The following CFAP299 variants were observed in gnomAD, a reference collection of about 807,000 sequenced individuals.
The protein encoded by CFAP299 is cilia- and flagella-associated protein 299.
Under a neutral mutation model 27.0 loss-of-function variants are expected in CFAP299, and 21 were observed. The observed-to-expected ratio is 0.78, with a 90% confidence interval of 0.55 to 1.12. The LOEUF (loss-of-function observed/expected upper bound fraction) is 1.12, where lower values mean the gene tolerates loss of function less well. CFAP299 is among the 50% of genes most tolerant of loss of function. The pLI is 0.00. For synonymous variants in CFAP299, 104 were observed against 98.1 expected, an observed-to-expected ratio of 1.06 and a Z score of -0.36; for missense variants, 310 against 276.6, an observed-to-expected ratio of 1.12 and a Z score of -0.86.
Position 80,408,456 on chromosome 4 carries a change from C to A in CFAP299, c.242+45572C>A, listed in dbSNP as rs538620734. 1.6e-4 allele frequency among the ~76,000 whole-genome samples: 24 copies of A among 152,184 alleles called. No homozygotes were observed. In the East Asian group the frequency reaches 4.4e-3, roughly 28 times the overall value. On this transcript the variant is annotated intron_variant, in intron 2 of 5. Coordinates refer to ENST00000358105, the MANE Select transcript of CFAP299 (RefSeq NM_152770.3). ...TTTTGTGAAAAGCCTGTTTTCATGTCTTTTGCCCTTTTTAAAAATCTATTA... is the reference window on the plus strand; with the variant it reads ...TTTTGTGAAAAGCCTGTTTTCATGTATTTTGCCCTTTTTAAAAATCTATTA...
chr4:80,843,641 T>C (rs1730993154), intron 3 of CFAP299, among the ~76,000 whole-genome samples: 1 of 152,184 alleles, frequency 6.6e-6, no homozygotes, highest in African/African-American at 2.4e-5. Flanking sequence ...TCTAGATCCC[T>C]GAGGAATCGC....
intron 3 of CFAP299, among the ~76,000 whole-genome samples, chr4:80,715,728 A>G (rs1369066030): frequency 6.6e-6 from 1 of 152,110 alleles, no homozygotes; most frequent in Non-Finnish European, 1.5e-5. Flanking sequence ...AATATTGACT[A>G]TATGAGTAAA....
intron 2 of CFAP299, among the ~76,000 whole-genome samples, chr4:80,364,908 C>T (rs1723743503): frequency 6.6e-6 from 1 of 152,176 alleles, no homozygotes; most frequent in South Asian, 2.1e-4. Flanking sequence ...GCTTCCAGCT[C>T]CATCCATGTT....
chr4:80,398,243 G>A (rs1182705120), intron 2 of CFAP299, among the ~76,000 whole-genome samples: 4 of 152,234 alleles, frequency 2.6e-5, no homozygotes, highest in East Asian at 1.9e-4. Context: ...AATCAATATC[G>A]TGAAAATGGC....
At chr4:80,419,085 G>T (rs114470236) in intron 2 of CFAP299, among the ~76,000 whole-genome samples, 3,890 of 152,258 alleles carry the variant, frequency 0.026, 77 homozygotes, top group Non-Finnish European at 0.038. Flanking sequence ...GAAAGAATTT[G>T]ACTGAGGACC....
rs149940277 is a variant in CFAP299, at chr4:80,441,162, C to T, written c.242+78278C>T. 6.2e-3 allele frequency among the ~76,000 whole-genome samples: 942 copies of T among 152,280 alleles called. 2 individuals are homozygous for T. Among genetic ancestry groups the T allele is most frequent in the Middle Eastern group, 0.024 (7 of 294 alleles). ...TATTATCCAGGATAACTTCCCCAAC[C>T]TAGCAAGACAGGGCAACATTCAAAT... On this transcript the variant is annotated intron_variant, in intron 2 of 5. Coordinates refer to ENST00000358105, the MANE Select transcript of CFAP299 (RefSeq NM_152770.3).
At chr4:80,582,974 T>A in intron 2 of CFAP299, 119 bp from the exon 3 acceptor site, 1 of 525,238 alleles carries the variant, frequency 1.9e-6, no homozygotes. Context: ...ATGATTTTAT[T>A]TATATGGTTT....
chr4:80,685,665 G>A (rs1429598889), intron 3 of CFAP299, among the ~76,000 whole-genome samples: 2 of 151,276 alleles, frequency 1.3e-5, no homozygotes, highest in East Asian at 2.0e-4. Flanking sequence ...GGTATTAAAG[G>A]GAATTTTTTG....
At chr4:80,744,621 C>T (rs1043326465) in intron 3 of CFAP299, among the ~76,000 whole-genome samples, 1 of 151,646 alleles carries the variant, frequency 6.6e-6, no homozygotes, top group Non-Finnish European at 1.5e-5. Flanking sequence ...TTAATCCCTA[C>T]TAATACACAA....
intron 3 of CFAP299, among the ~76,000 whole-genome samples, chr4:80,659,433 A>T (rs1477124817): frequency 1.3e-5 from 2 of 152,048 alleles, no homozygotes; most frequent in Admixed American, 6.6e-5. Flanking sequence ...AATAAATAAA[A>T]AGAATCTTAT....
At chr4:80,326,761 A>C in the CFAP299 span, among the ~76,000 whole-genome samples, 2 of 152,170 alleles carry the variant, frequency 1.3e-5, no homozygotes, top group Non-Finnish European at 2.9e-5. Flanking sequence ...TCTGATTTTA[A>C]ATTCCTTTGG....
intron 3 of CFAP299, among the ~76,000 whole-genome samples, chr4:80,839,348 G>A (rs1730739988): frequency 6.6e-6 from 1 of 152,030 alleles, no homozygotes; most frequent in Non-Finnish European, 1.5e-5. Context: ...CACTTACTAT[G>A]TATTATTCTC....
intron 3 of CFAP299, among the ~76,000 whole-genome samples, chr4:80,798,752 C>A (rs528719958): frequency 1.3e-5 from 2 of 152,138 alleles, no homozygotes; most frequent in African/African-American, 2.4e-5. Flanking sequence ...AGCAACCAAT[C>A]AGCTTTATTA....
chr4:80,400,357 C>T (rs1726081377), intron 2 of CFAP299, among the ~76,000 whole-genome samples: 1 of 152,014 alleles, frequency 6.6e-6, no homozygotes, highest in Non-Finnish European at 1.5e-5. Flanking sequence ...GTTGATATGG[C>T]TTGGTTGTGC....
At chr4:80,369,075 G>A (rs2110006554) in intron 2 of CFAP299, among the ~76,000 whole-genome samples, 1 of 152,302 alleles carries the variant, frequency 6.6e-6, no homozygotes, top group African/African-American at 2.4e-5. Flanking sequence ...TATCCCACAT[G>A]GGATGAAATA....
At chr4:80,364,316 G>A (rs983876750) in intron 2 of CFAP299, among the ~76,000 whole-genome samples, 2 of 151,940 alleles carry the variant, frequency 1.3e-5, no homozygotes, top group Non-Finnish European at 2.9e-5. Flanking sequence ...CAGTTCCTTG[G>A]TTGTCATTTG....
chr4:80,670,704 C>T (rs1741427081), intron 3 of CFAP299, among the ~76,000 whole-genome samples: 1 of 152,166 alleles, frequency 6.6e-6, no homozygotes, highest in Admixed American at 6.5e-5. Flanking sequence ...GATGGTATCT[C>T]ATTGTGGTTT....
intron 3 of CFAP299, among the ~76,000 whole-genome samples, chr4:80,641,064 A>G (rs1253984743): frequency 6.6e-6 from 1 of 152,202 alleles, no homozygotes; most frequent in East Asian, 1.9e-4. Context: ...ATGGGGTAGC[A>G]TATTGCAATA....
At chr4:80,587,765 T>C (rs1279794762) in intron 3 of CFAP299, among the ~76,000 whole-genome samples, 1 of 152,114 alleles carries the variant, frequency 6.6e-6, no homozygotes. Context: ...CTAATTTTTT[T>C]ATTATTTGTA....
Sources: allele counts gnomAD v4.1 joint callset (sites outside exome capture counted in the v4.1 genomes callset), GRCh38; gene constraint gnomAD v4.1.1; transcripts MANE v1.5; gene names NCBI Gene and HGNC (gene_info 2026-07-23, HGNC 2026-07-21).